PDE1C: variants seen among roughly 807,000 people sequenced by gnomAD.
The protein encoded by PDE1C is dual specificity calcium/calmodulin-dependent 3',5'-cyclic nucleotide phosphodiesterase 1C.
In PDE1C, 62 loss-of-function variants were observed where a neutral mutation model predicts 93.1. The ratio of observed to expected loss-of-function variants is 0.67; its 90% confidence interval spans 0.54 to 0.82. The LOEUF (loss-of-function observed/expected upper bound fraction) is 0.82. Among genes scored for constraint, PDE1C ranks in the 40% least tolerant of loss-of-function variants. The pLI, the probability that PDE1C is intolerant of heterozygous loss-of-function variation, is 0.00. For missense variants in PDE1C, 742 were observed against 884.6 expected, an observed-to-expected ratio of 0.84 and a Z score of 2.04; for synonymous variants, 325 against 310.1, an observed-to-expected ratio of 1.05 and a Z score of -0.50.
chr7:32,332,021 C>T (rs904601359), intron 1 of PDE1C, among the ~76,000 whole-genome samples: 11 of 152,060 alleles, frequency 7.2e-5, no homozygotes, highest in Admixed American at 2.6e-4. Context: ...ATATCAAAAT[C>T]GTAATCAAGG....
chr7:32,115,422 A>C (rs574881671), intron 3 of PDE1C, among the ~76,000 whole-genome samples: 1 of 152,264 alleles, frequency 6.6e-6, no homozygotes, highest in East Asian at 1.9e-4. Context: ...GAACAATAAG[A>C]GCATGTGGAC....
At chr7:31,877,785 T>C (rs923675670) in intron 5 of PDE1C, among the ~76,000 whole-genome samples, 185 bp downstream of exon 5, 17 of 151,010 alleles carry the variant, frequency 1.1e-4, no homozygotes, top group African/African-American at 4.2e-4. Flanking sequence ...TGTTTTTAAA[T>C]TGGGAAGATG....
chr7:31,850,971 T>C (rs1793254579), intron 7 of PDE1C: 1 of 462,572 alleles, frequency 2.2e-6, no homozygotes, highest in East Asian at 3.9e-5. Context: ...AGTAGTTTTA[T>C]CTTTTTCAAG....
At chr7:31,929,334 T>C (rs966289108) in intron 2 of PDE1C, among the ~76,000 whole-genome samples, 10 of 152,082 alleles carry the variant, frequency 6.6e-5, no homozygotes, top group Admixed American at 2.0e-4. Flanking sequence ...CACACAATAA[T>C]AGTGGGAGAC....
chr7:32,058,099 A>T (rs145357904), intron 1 of PDE1C, among the ~76,000 whole-genome samples: 2 of 152,330 alleles, frequency 1.3e-5, no homozygotes, highest in Non-Finnish European at 2.9e-5. Flanking sequence ...GTTGGGCACA[A>T]GATTTCCTGG....
chr7:31,864,024 A>G (rs976602628), intron 7 of PDE1C, among the ~76,000 whole-genome samples: 16 of 152,348 alleles, frequency 1.1e-4, no homozygotes, highest in African/African-American at 3.6e-4. Flanking sequence ...ATTGATAACT[A>G]TACCCAAAGT....
intron 1 of PDE1C, among the ~76,000 whole-genome samples, chr7:32,214,991 T>C (rs1237291514): frequency 6.6e-6 from 1 of 151,956 alleles, no homozygotes; most frequent in African/African-American, 2.4e-5. Context: ...ATGATGATGA[T>C]GATGATGATG....
chr7:32,032,212 G>C (rs1404347532), intron 2 of PDE1C, among the ~76,000 whole-genome samples: 4 of 152,298 alleles, frequency 2.6e-5, no homozygotes, highest in South Asian at 4.1e-4. Context: ...AAGCCCACAT[G>C]GGGTCCTGGA....
At chr7:31,711,460 T>C in the PDE1C span, among the ~76,000 whole-genome samples, 1 of 152,198 alleles carries the variant, frequency 6.6e-6, no homozygotes, top group Non-Finnish European at 1.5e-5. Context: ...CTCAGGTCTC[T>C]GAACTCTTAG....
In PDE1C at chr7:32,311,769, C is replaced by T. The variant is rs918578489; in HGVS notation, c.311-102230G>A. The stretch of plus-strand genomic sequence containing the variant: ...GGGACGTATCTCAAAATAATAAGAG[C>T]TATCTATGATAAACCCACAGCCAAT... On this transcript the variant is annotated intron_variant, in intron 1 of 1. Coordinates refer to the PDE1C transcript ENST00000672256. Among the ~76,000 whole-genome samples the T allele has an allele frequency of 1.1e-3, 162 of 152,230 alleles. 4 individuals carry two copies. Among genetic ancestry groups the T allele is most frequent in the Non-Finnish European group, 2.1e-4 (14 of 68,016 alleles).
At chr7:32,260,014 C>T (rs1019496213) in intron 1 of PDE1C, among the ~76,000 whole-genome samples, 1 of 152,178 alleles carries the variant, frequency 6.6e-6, no homozygotes, top group East Asian at 1.9e-4. Context: ...TGTTCCCAAA[C>T]AGGTGTCATC....
chr7:32,288,161 C>A (rs895457433), intron 1 of PDE1C, among the ~76,000 whole-genome samples: 4 of 152,110 alleles, frequency 2.6e-5, no homozygotes, highest in Admixed American at 2.6e-4. Flanking sequence ...CTTAAAAAAA[C>A]AAAATGTAGA....
intron 1 of PDE1C, among the ~76,000 whole-genome samples, chr7:32,214,867 G>A (rs927427293): frequency 1.3e-5 from 2 of 152,132 alleles, no homozygotes; most frequent in Non-Finnish European, 2.9e-5. Flanking sequence ...GACTCAAGGA[G>A]GGTTGCAACA....
intron 3 of PDE1C, among the ~76,000 whole-genome samples, chr7:32,084,256 G>A (rs1387080773): frequency 6.6e-6 from 1 of 151,960 alleles, no homozygotes; most frequent in Admixed American, 6.6e-5. Context: ...AGACAAAGAA[G>A]GCCATTAGAT....
At chr7:32,224,329 C>T (rs1807094643) in intron 1 of PDE1C, among the ~76,000 whole-genome samples, 1 of 151,870 alleles carries the variant, frequency 6.6e-6, no homozygotes, top group African/African-American at 2.4e-5. Context: ...GCTGAGATCG[C>T]ACCACTGTGC....
chr7:31,688,937 C>T, the PDE1C span, among the ~76,000 whole-genome samples: 1 of 152,222 alleles, frequency 6.6e-6, no homozygotes, highest in Non-Finnish European at 1.5e-5. Context: ...TTAAGTTCAA[C>T]ACAAACTCAT....
Position 31,844,754 on chromosome 7 carries a change from C to T in PDE1C, c.980+3214G>A, listed in dbSNP as rs534850969. The stretch of plus-strand genomic sequence containing the variant: ...TTTCCCATTCTCTCTCTTTTCTCTC[C>T]TTCTGAGACTCAAATTGCCCTTATG... On this transcript the variant is annotated intron_variant, in intron 9 of 17. Coordinates refer to ENST00000396191, the MANE Select transcript of PDE1C (RefSeq NM_001191057.4). 3.9e-5 allele frequency among the ~76,000 whole-genome samples: 6 copies of T among 151,966 alleles called. No individual in the cohort carries two copies. The South Asian group carries it at 6.2e-4, about 16-fold the overall frequency.
the PDE1C span, among the ~76,000 whole-genome samples, chr7:31,733,899 G>A: frequency 2.0e-5 from 3 of 152,172 alleles, no homozygotes; most frequent in South Asian, 2.1e-4. Context: ...AGCTACTCGG[G>A]AGGCTGAGGC....
At chr7:31,723,938 A>G in the PDE1C span, among the ~76,000 whole-genome samples, 310 of 139,278 alleles carry the variant, frequency 2.2e-3, no homozygotes, top group African/African-American at 8.6e-3. Flanking sequence ...CTGCCTTTGC[A>G]TCATTTTATT....
Sources: allele counts gnomAD v4.1 joint callset (sites outside exome capture counted in the v4.1 genomes callset), GRCh38; gene constraint gnomAD v4.1.1; transcripts MANE v1.5; gene names NCBI Gene and HGNC (gene_info 2026-07-23, HGNC 2026-07-21).